The following DNM3 variants were observed in gnomAD, a reference collection of about 807,000 sequenced individuals.
DNM3 encodes dynamin 3.
In DNM3, 47 loss-of-function variants were observed where a neutral mutation model predicts 101.6. The observed-to-expected ratio is 0.46, with a 90% CI of 0.37 to 0.59. DNM3 has a LOEUF of 0.59. DNM3 is among the 20% of genes least tolerant of loss of function. DNM3 has a pLI of 0.00. For synonymous variants in DNM3, 385 were observed against 387.9 expected, an observed-to-expected ratio of 0.99 and a Z score of 0.09; for missense variants, 849 against 1,085.7, an observed-to-expected ratio of 0.78 and a Z score of 3.06.
At chr1:172,206,440 T>TA (rs2148504404) in intron 14 of DNM3, among the ~76,000 whole-genome samples, 1 of 152,262 alleles carries the variant, frequency 6.6e-6, no homozygotes, top group South Asian at 2.1e-4. Flanking sequence ...TTTGCACAGA[T>TA]ATTAAAAAGT....
downstream of DNM3, among the ~76,000 whole-genome samples, chr1:172,415,926 G>A (rs12045369): frequency 0.011 from 1,616 of 152,162 alleles, 39 homozygotes; most frequent in East Asian, 0.053. Flanking sequence ...AAATTTCAGC[G>A]TTGACATAGA....
At chr1:172,139,040 TA>T (rs2057417547) in intron 14 of DNM3, 1 of 380,784 alleles carries the variant, frequency 2.6e-6, no homozygotes, top group Admixed American at 3.3e-5. Flanking sequence ...ATTATGGAAC[TA>T]AAAACAAGTT....
chr1:172,285,806 C>T (rs900746394), intron 15 of DNM3, among the ~76,000 whole-genome samples: 1 of 152,092 alleles, frequency 6.6e-6, no homozygotes, highest in African/African-American at 2.4e-5. Context: ...AAATTTTCCT[C>T]CACCCTTTTC....
intron 14 of DNM3, among the ~76,000 whole-genome samples, chr1:172,132,542 A>G (rs1379182513): frequency 6.6e-6 from 1 of 152,170 alleles, no homozygotes; most frequent in African/African-American, 2.4e-5. Context: ...GAGCTCAGAG[A>G]CACTTCCCTA....
intron 11 of DNM3, among the ~76,000 whole-genome samples, chr1:172,075,762 T>C (rs2052598556): frequency 6.6e-6 from 1 of 152,238 alleles, no homozygotes; most frequent in African/African-American, 2.4e-5. Flanking sequence ...CCTCCAGCTT[T>C]GTACTTTTTG....
chr1:171,904,579 A>T (rs1241452882), intron 1 of DNM3, among the ~76,000 whole-genome samples: 1 of 152,212 alleles, frequency 6.6e-6, no homozygotes, highest in South Asian at 2.1e-4. Context: ...TAGGAAAGAC[A>T]TGAGGGTTTT....
At chr1:172,106,718 T>G (rs2055043615) in intron 13 of DNM3, among the ~76,000 whole-genome samples, 1 of 152,176 alleles carries the variant, frequency 6.6e-6, no homozygotes, top group Non-Finnish European at 1.5e-5. Flanking sequence ...GAATAAATTA[T>G]GTAATTTGTT....
intron 14 of DNM3, among the ~76,000 whole-genome samples, chr1:172,162,358 A>C (rs2058575977): frequency 6.6e-6 from 1 of 152,052 alleles, no homozygotes; most frequent in African/African-American, 2.4e-5. Context: ...ATTTTGGGTC[A>C]AATCATACAC....
intron 1 of DNM3, among the ~76,000 whole-genome samples, chr1:171,851,299 G>A (rs1210267428): frequency 6.6e-6 from 1 of 152,178 alleles, no homozygotes; most frequent in African/African-American, 2.4e-5. Flanking sequence ...CATATGGCAG[G>A]AGCTAACTGA....
chr1:172,156,698 G>C (rs2058352288), intron 14 of DNM3, among the ~76,000 whole-genome samples: 1 of 151,898 alleles, frequency 6.6e-6, no homozygotes, highest in Non-Finnish European at 1.5e-5. Context: ...GAAAGTGATT[G>C]TATACTATAA....
chr1:172,314,788 G>C (rs1338471634), intron 16 of DNM3, among the ~76,000 whole-genome samples: 1 of 152,212 alleles, frequency 6.6e-6, no homozygotes, highest in Non-Finnish European at 1.5e-5. Flanking sequence ...GCCTGCCTCT[G>C]TAGGCTCCAC....
At chr1:172,406,177 C>G (rs754445460) in intron 20 of DNM3, among the ~76,000 whole-genome samples, 27 of 151,846 alleles carry the variant, frequency 1.8e-4, no homozygotes, top group Non-Finnish European at 2.9e-5. Context: ...GCTATACAAA[C>G]AACTGTATCA....
At chr1:172,024,963 C>A (rs193144100) in intron 4 of DNM3, among the ~76,000 whole-genome samples, 144 of 152,288 alleles carry the variant, frequency 9.5e-4, no homozygotes, top group Non-Finnish European at 1.7e-3. Context: ...CAATTCACTC[C>A]CCTGGAAAGG....
At chr1:172,404,272 G>A (rs2070722386) in intron 20 of DNM3, among the ~76,000 whole-genome samples, 1 of 151,940 alleles carries the variant, frequency 6.6e-6, no homozygotes, top group Admixed American at 6.6e-5. Flanking sequence ...GCTATGCAGT[G>A]CCTATTAAAT....
At chr1:171,905,336 G>T (rs538197802) in intron 1 of DNM3, among the ~76,000 whole-genome samples, 1 of 152,274 alleles carries the variant, frequency 6.6e-6, no homozygotes, top group East Asian at 1.9e-4. Context: ...TTCTGAGTAT[G>T]CAGGGAGTAA....
intron 1 of DNM3, among the ~76,000 whole-genome samples, chr1:171,884,085 T>C (rs10798727): frequency 0.43 from 64,856 of 152,024 alleles, 13,970 homozygotes; most frequent in African/African-American, 0.44. Flanking sequence ...TCTTCAAAGT[T>C]TTGTCTGGTT....
intron 1 of DNM3, among the ~76,000 whole-genome samples, chr1:171,884,718 G>T (rs950319441): frequency 2.0e-5 from 3 of 152,124 alleles, no homozygotes; most frequent in Admixed American, 1.3e-4. Context: ...TCCTTCAACG[G>T]GCTAGTTCAG....
chr1:172,235,559 C>A (rs994192870), intron 14 of DNM3, among the ~76,000 whole-genome samples: 1 of 152,066 alleles, frequency 6.6e-6, no homozygotes, highest in African/African-American at 2.4e-5. Flanking sequence ...ATGTTTATTG[C>A]GGCACTATTC....
At chr1:171,962,367 T>C (rs892835149) in intron 2 of DNM3, among the ~76,000 whole-genome samples, 6 of 152,082 alleles carry the variant, frequency 3.9e-5, no homozygotes, top group Non-Finnish European at 5.9e-5. Flanking sequence ...GAAAATAGAA[T>C]AGAGGTTACC....
Sources: allele counts gnomAD v4.1 joint callset (sites outside exome capture counted in the v4.1 genomes callset), GRCh38; gene constraint gnomAD v4.1.1; transcripts MANE v1.5; gene names NCBI Gene and HGNC (gene_info 2026-07-23, HGNC 2026-07-21).